ENTHD1: variants seen among roughly 807,000 people sequenced by gnomAD.
ENTHD1 encodes the protein ENTH domain containing 1, also known as ENTH domain-containing protein 1.
Under a neutral mutation model 39.1 loss-of-function variants are expected in ENTHD1, and 23 were observed. The ratio of observed to expected loss-of-function variants is 0.59; its 90% CI spans 0.42 to 0.83. ENTHD1 has a LOEUF of 0.83. Among genes scored for constraint, ENTHD1 ranks in the 40% least tolerant of loss-of-function variants. The pLI is 0.00. For missense variants in ENTHD1, 624 were observed against 705.4 expected (o/e 0.88, Z 1.31); for synonymous variants, 230 against 258.2 (o/e 0.89, Z 1.05).
At chr22:39,859,248 C>T (rs2066120113) in intron 3 of ENTHD1, among the ~76,000 whole-genome samples, 1 of 152,216 alleles carries the variant, frequency 6.6e-6, no homozygotes, top group Non-Finnish European at 1.5e-5. Flanking sequence ...GATCTTCTAT[C>T]CAGACCATGC....
chr22:39,808,910 C>T (rs1203923464), intron 5 of ENTHD1, among the ~76,000 whole-genome samples: 1 of 152,056 alleles, frequency 6.6e-6, no homozygotes, highest in Admixed American at 6.6e-5. Flanking sequence ...CATGCTTTCC[C>T]ATATTTTTAA....
intron 5 of ENTHD1, among the ~76,000 whole-genome samples, chr22:39,789,355 T>A (rs1175538535): frequency 1.3e-5 from 2 of 152,166 alleles, no homozygotes; most frequent in Non-Finnish European, 2.9e-5. Context: ...TCAATTGAAT[T>A]TTTTTTCTTC....
At chr22:39,870,511 T>G (rs2066233405) in intron 2 of ENTHD1, among the ~76,000 whole-genome samples, 1 of 152,104 alleles carries the variant, frequency 6.6e-6, no homozygotes, top group Non-Finnish European at 1.5e-5. Flanking sequence ...GACATAAATT[T>G]TCATGTCAAA....
At chr22:39,828,348 A>T (rs917749617) in intron 4 of ENTHD1, among the ~76,000 whole-genome samples, 3 of 152,206 alleles carry the variant, frequency 2.0e-5, no homozygotes, top group African/African-American at 7.2e-5. Context: ...AATAAAAAAA[A>T]CCTTTTAAGC....
At chr22:39,772,337 T>C (rs2065333317) in intron 5 of ENTHD1, among the ~76,000 whole-genome samples, 1 of 152,114 alleles carries the variant, frequency 6.6e-6, no homozygotes, top group Non-Finnish European at 1.5e-5. Context: ...GCGGCCCAGT[T>C]CCTAACAGGT....
chr22:39,748,546 G>A (rs7290520), intron 6 of ENTHD1, among the ~76,000 whole-genome samples: 308 of 151,590 alleles, frequency 2.0e-3, no homozygotes, highest in African/African-American at 6.9e-3. Context: ...TCCACCTGAC[G>A]AGTAGCTGGA....
At chr22:39,778,580 T>C (rs1438276823) in intron 5 of ENTHD1, among the ~76,000 whole-genome samples, 2 of 152,066 alleles carry the variant, frequency 1.3e-5, no homozygotes, top group Non-Finnish European at 2.9e-5. Context: ...TTATTCAAAA[T>C]AAGCAAAAAA....
intron 1 of ENTHD1, among the ~76,000 whole-genome samples, chr22:39,891,531 T>G (rs2146787936): frequency 6.6e-6 from 1 of 151,288 alleles, no homozygotes; most frequent in Admixed American, 6.6e-5. Flanking sequence ...GCTTGCAAAC[T>G]CCTGGGCTCA....
intron 6 of ENTHD1, among the ~76,000 whole-genome samples, chr22:39,756,293 C>G (rs1219349657): frequency 4.2e-5 from 6 of 142,486 alleles, no homozygotes; most frequent in South Asian, 2.1e-4. Flanking sequence ...CTCTGTCTCT[C>G]TCTCTCTCTC....
intron 5 of ENTHD1, among the ~76,000 whole-genome samples, chr22:39,782,371 G>A (rs1351040723): frequency 1.3e-5 from 2 of 151,904 alleles, no homozygotes; most frequent in African/African-American, 2.4e-5. Context: ...CTTCACTGCT[G>A]AGTTCCACCG....
At chr22:39,778,520 G>T (rs113400572) in intron 5 of ENTHD1, among the ~76,000 whole-genome samples, 10 of 152,004 alleles carry the variant, frequency 6.6e-5, no homozygotes, top group Non-Finnish European at 1.2e-4. Flanking sequence ...ATATCATTTC[G>T]ATCATAAATT....
At chr22:39,888,285 A>C (rs1267060489) in intron 1 of ENTHD1, among the ~76,000 whole-genome samples, 1 of 133,292 alleles carries the variant, frequency 7.5e-6, no homozygotes, top group Non-Finnish European at 1.6e-5. Context: ...TTTTTTTTCC[A>C]AAGACAGGGT....
chr22:39,867,499 G>A lies in ENTHD1; in HGVS notation c.350-5492C>T, dbSNP rs73888192. Among the ~76,000 whole-genome samples, 1,133 of 151,818 alleles carry A rather than the reference G, an allele frequency of 7.5e-3. 16 individuals carry two copies. Among genetic ancestry groups the A allele is most frequent in the African/African-American group, 0.026 (1,079 of 41,408 alleles). ...ATACCTCCCAAATTCAGTTATCCAC[G>A]TCTATTGACTATACCCACTAATTAT... On this transcript the variant is annotated intron_variant, in intron 2 of 6. Transcript: ENST00000325157. The surrounding 1 kb of genome is among the most constrained non-coding windows in gnomAD (Gnocchi z 4.5).
intron 3 of ENTHD1, among the ~76,000 whole-genome samples, chr22:39,851,040 G>A (rs1254074793): frequency 6.6e-6 from 1 of 151,736 alleles, no homozygotes; most frequent in African/African-American, 2.4e-5. Flanking sequence ...AACTCTCTTC[G>A]TTTTTTTATT....
chr22:39,743,605 A>G lies in ENTHD1; in HGVS notation c.*74T>C, dbSNP rs1235475220. On this transcript the variant is annotated 3_prime_UTR_variant, in exon 7 of 7. Coordinates refer to ENST00000325157, the MANE Select transcript of ENTHD1 (RefSeq NM_152512.4). ...CCCCTTTTTTGCCATAATAATATGA[A>G]TTTATACAATGCTAACGTAAGTCTT... 12 of 1,465,366 alleles carry G rather than the reference A, an allele frequency of 8.2e-6. No individual in the cohort carries two copies. Among genetic ancestry groups the G allele is most frequent in the Non-Finnish European group, 1.1e-5 (12 of 1,108,400 alleles). 90.8% of individuals were successfully genotyped at this position (1,465,366 alleles called of 1,614,324 possible).
chr22:39,870,263 C>A (rs2066231137), intron 2 of ENTHD1, among the ~76,000 whole-genome samples: 1 of 151,956 alleles, frequency 6.6e-6, no homozygotes, highest in African/African-American at 2.4e-5. Context: ...CCTGCCTTGA[C>A]CTCCCAAAGT....
At position 39,815,316 on chromosome 22, in the gene ENTHD1, G is replaced by A. The variant is rs1045402580; in HGVS notation, c.832+5677C>T. On this transcript the variant is annotated intron_variant, in intron 5 of 6. Transcript: ENST00000325157. ...AAATTAGCAGGGCGTGGTGGTGCGC[G>A]CCTATAATCCCAGCTACTTGGGAGG... 2.6e-4 allele frequency among the ~76,000 whole-genome samples: 39 copies of A among 151,996 alleles called. No individual in the cohort carries two copies. In the South Asian group the frequency reaches 2.7e-3, roughly 11 times the overall value.
At chr22:39,874,696 A>T (rs2066272290) in intron 2 of ENTHD1, among the ~76,000 whole-genome samples, 1 of 152,246 alleles carries the variant, frequency 6.6e-6, no homozygotes, top group South Asian at 2.1e-4. Context: ...AATGTTAAAA[A>T]TAGGCAAAAT....
At chr22:39,877,079 T>C (rs1033259605) in intron 2 of ENTHD1, among the ~76,000 whole-genome samples, 1 of 152,314 alleles carries the variant, frequency 6.6e-6, no homozygotes. Flanking sequence ...GGACGATCAC[T>C]TGGGAACCTT....
Sources: gnomAD v4.1 joint callset for allele counts (sites outside exome capture counted in the v4.1 genomes callset) on GRCh38, gnomAD v4.1.1 for gene constraint, Gnocchi (gnomAD v3.1) non-coding constraint, MANE v1.5 for transcripts, NCBI Gene and HGNC (gene_info 2026-07-23, HGNC 2026-07-21) for gene names.